Variants in IL1RAPL1 observed in about 807,000 individuals in gnomAD.
IL1RAPL1 encodes the protein interleukin-1 receptor accessory protein-like 1.
IL1RAPL1 carries 3 observed loss-of-function variants against 48.4 expected under a neutral mutation model. The ratio of observed to expected loss-of-function variants is 0.06; its 90% CI spans 0.03 to 0.16. The LOEUF is 0.16. Ranked by LOEUF, IL1RAPL1 falls within the 10% of genes least tolerant of loss-of-function variation. The pLI is 1.00. For synonymous variants in IL1RAPL1, 185 were observed against 187.7 expected (o/e 0.99, Z 0.12); for missense variants, 349 against 530.6 (o/e 0.66, Z 3.36).
chrX:29,198,552 C>G (rs1458353548), intron 2 of IL1RAPL1, among the ~76,000 whole-genome samples: 2 of 111,138 alleles, frequency 1.8e-5, no homozygotes, highest in East Asian at 5.7e-4. Context: ...CCTCTGCCTC[C>G]CAAAGTGCTG....
At chrX:29,925,174 C>T in intron 8 of IL1RAPL1, among the ~76,000 whole-genome samples, 1 of 110,847 alleles carries the variant, frequency 9.0e-6, no homozygotes, top group East Asian at 2.8e-4. Flanking sequence ...GAAATCAAAA[C>T]CTCCTACCTC....
chrX:29,657,595 T>G (rs1489738748), intron 5 of IL1RAPL1, among the ~76,000 whole-genome samples: 1 of 112,396 alleles, frequency 8.9e-6, no homozygotes, highest in Non-Finnish European at 1.9e-5. Context: ...ACTTTCGCAG[T>G]GACATTGTGC....
chrX:29,452,809 T>C (rs1934694689), intron 5 of IL1RAPL1, among the ~76,000 whole-genome samples: 1 of 110,290 alleles, frequency 9.1e-6, no homozygotes, highest in East Asian at 2.8e-4. Flanking sequence ...TTAAATTAAG[T>C]GGAAAGAGCA....
At chrX:28,903,424 C>CT (rs199661606) in intron 2 of IL1RAPL1, among the ~76,000 whole-genome samples, 8,859 of 99,760 alleles carry the variant, frequency 0.089, 550 homozygotes, top group East Asian at 0.31. Flanking sequence ...TTCTTTCTTT[C>CT]TTTTTTTTTT....
At chrX:28,818,278 T>C (rs1424978502) in intron 2 of IL1RAPL1, among the ~76,000 whole-genome samples, 1 of 110,731 alleles carries the variant, frequency 9.0e-6, no homozygotes, top group East Asian at 2.9e-4. Context: ...AAGTCTCAAT[T>C]TTGAAGAAGT....
chrX:29,733,040 G>T (rs1024598104), intron 6 of IL1RAPL1, among the ~76,000 whole-genome samples: 1 of 111,187 alleles, frequency 9.0e-6, no homozygotes, highest in Admixed American at 9.6e-5. Context: ...AGAAAGGGAG[G>T]GAGGCAGAGG....
intron 1 of IL1RAPL1, among the ~76,000 whole-genome samples, chrX:28,782,046 A>C (rs937924549): frequency 1.8e-5 from 2 of 110,915 alleles, no homozygotes; most frequent in Non-Finnish European, 3.8e-5. Context: ...ATTTACTATC[A>C]GTTTTATGAT....
At chrX:29,467,464 A>C (rs1343845532) in intron 5 of IL1RAPL1, among the ~76,000 whole-genome samples, 1 of 112,505 alleles carries the variant, frequency 8.9e-6, no homozygotes, top group Non-Finnish European at 1.9e-5. Context: ...GGACTTGCGA[A>C]GGGGTCGCTC....
At chrX:29,306,728 G>A (rs1285906344) in intron 3 of IL1RAPL1, among the ~76,000 whole-genome samples, 1 of 103,656 alleles carries the variant, frequency 9.6e-6, no homozygotes, top group Non-Finnish European at 2.0e-5. Context: ...GGGCGTTGTG[G>A]TGCACGCCTA....
chrX:29,615,680 G>A (rs1341212101), intron 5 of IL1RAPL1, among the ~76,000 whole-genome samples: 1 of 110,428 alleles, frequency 9.1e-6, no homozygotes, highest in Admixed American at 9.6e-5. Flanking sequence ...TTACATATAT[G>A]AACTACTAAA....
At chrX:28,823,200 G>C (rs1242716091) in intron 2 of IL1RAPL1, among the ~76,000 whole-genome samples, 1 of 111,448 alleles carries the variant, frequency 9.0e-6, no homozygotes, top group Admixed American at 9.5e-5. Context: ...CTTTCTAGGA[G>C]ATCTCGTTGA....
chrX:29,793,231 A>G (rs187958767), intron 6 of IL1RAPL1, among the ~76,000 whole-genome samples: 67 of 112,313 alleles, frequency 6.0e-4, no homozygotes, highest in African/African-American at 1.9e-3. Context: ...CAGCACCATT[A>G]TTTATTCAAA....
chrX:29,546,632 A>T (rs1921634470), intron 5 of IL1RAPL1, among the ~76,000 whole-genome samples: 1 of 111,606 alleles, frequency 9.0e-6, no homozygotes, highest in African/African-American at 3.3e-5. Context: ...AAAAACTGTG[A>T]TCAATCCATT....
intron 6 of IL1RAPL1, among the ~76,000 whole-genome samples, chrX:29,837,298 T>TACACACAC (rs1212984543): frequency 1.4e-5 from 1 of 70,321 alleles, no homozygotes; most frequent in Admixed American, 1.7e-4. Context: ...TATATATATA[T>TACACACAC]ATACACACAC....
chrX:29,955,740 A>G lies in IL1RAPL1; in HGVS notation c.2011A>G (p.Asn671Asp). 8.3e-7 allele frequency: 1 copy of G among 1,211,545 alleles called. No homozygotes were observed. Among genetic ancestry groups the G allele is most frequent in the South Asian group, 1.8e-5 (1 of 56,911 alleles). Residue 671 changes from asparagine to aspartate, a missense_variant, in exon 11 of 11, where the codon AAT becomes GAT. By Grantham distance (23) the Asn-to-Asp change is conservative (BLOSUM62 1). Transcript: ENST00000378993. ...RPQTKSSREQ[N>D]PDEAHTNSAI... ...ACAGACAAAATCGAGCAGGGAGCAG[A>G]ATCCAGATGAGGCCCACACAAACAG...
chrX:29,183,800 T>C lies in IL1RAPL1; in HGVS notation c.83-99138T>C, dbSNP rs977331457. The stretch of plus-strand genomic sequence containing the variant: ...CTTCTGCCTCCCGGGTTCAAGCGAT[T>C]CTCCTGCCTCAGCCTCCCAAGTAGC... On this transcript the variant is annotated intron_variant, in intron 2 of 10. Coordinates refer to ENST00000378993, the MANE Select transcript of IL1RAPL1 (RefSeq NM_014271.4). Among the ~76,000 whole-genome samples the C allele has an allele frequency of 2.7e-5, 3 of 112,220 alleles. No individual in the cohort carries two copies. In the East Asian group the frequency reaches 8.4e-4, roughly 31 times the overall value.
rs1320676863 is a variant in IL1RAPL1 at position 29,326,607 on chromosome X, G to C, written c.362+43390G>C. Among the ~76,000 whole-genome samples, 8 of 112,294 alleles carry C rather than the reference G, an allele frequency of 7.1e-5. No homozygotes were observed. The East Asian group carries it at 2.2e-3, about 31-fold the overall frequency. The stretch of plus-strand genomic sequence containing the variant: ...TTTCATTAAATGAAGAGCTGAAAAA[G>C]AGATAATCATTTAATTTATGTTTTA... On this transcript the variant is annotated intron_variant, in intron 3 of 10. Transcript: ENST00000378993.
rs189144851 is a variant in IL1RAPL1, at chrX:29,618,676, C to T, written c.704-49754C>T. 6.1e-4 allele frequency among the ~76,000 whole-genome samples: 68 copies of T among 111,483 alleles called. 2 individuals are homozygous for T. The highest frequency in any genetic ancestry group is 3.8e-3 in the Admixed American group (40 of 10,397). The stretch of plus-strand genomic sequence containing the variant: ...GAGGAGATGTGTGATTAAATTTTGC[C>T]CACCTATATAATCCAGGATAATCTT... On this transcript the variant is annotated intron_variant, in intron 5 of 10. Coordinates refer to ENST00000378993, the MANE Select transcript of IL1RAPL1 (RefSeq NM_014271.4).
At chrX:29,633,816 C>G (rs1602337375) in intron 5 of IL1RAPL1, among the ~76,000 whole-genome samples, 1 of 99,367 alleles carries the variant, frequency 1.0e-5, no homozygotes, top group African/African-American at 5.2e-5. Context: ...CCTGTGTTCT[C>G]TTCTCTTCTG....
Sources: allele counts gnomAD v4.1 joint callset (sites outside exome capture counted in the v4.1 genomes callset), GRCh38; gene constraint gnomAD v4.1.1; transcripts MANE v1.5; gene names NCBI Gene and HGNC (gene_info 2026-07-23, HGNC 2026-07-21).